Variants in TMEM131 observed in about 807,000 individuals in gnomAD.
TMEM131 encodes the protein 2610524E03Rik.
TMEM131 carries 66 observed loss-of-function variants against 211.6 expected under a neutral mutation model. That is an observed-to-expected ratio of 0.31 (90% CI 0.26 to 0.38). The LOEUF (loss-of-function observed/expected upper bound fraction) is 0.38. Among genes scored for constraint, TMEM131 ranks in the 10% least tolerant of loss-of-function variants. TMEM131 has a pLI of 1.00. For synonymous variants in TMEM131, 844 were observed against 841.3 expected (o/e 1.00, Z -0.06); for missense variants, 2,036 against 2,299.3 (o/e 0.89, Z 2.34).
chr2:97,961,806 G>C (rs1040986457), intron 1 of TMEM131, among the ~76,000 whole-genome samples: 10 of 152,306 alleles, frequency 6.6e-5, no homozygotes, highest in Admixed American at 3.9e-4. Context: ...CATAAATTGT[G>C]CTGCAACAGC....
intron 1 of TMEM131, among the ~76,000 whole-genome samples, chr2:97,965,064 G>A (rs193199136): frequency 3.9e-5 from 6 of 152,210 alleles, no homozygotes; most frequent in African/African-American, 9.6e-5. Context: ...AGAGCTCCGC[G>A]GCATGCCACA....
intron 4 of TMEM131, among the ~76,000 whole-genome samples, chr2:97,882,764 T>C (rs1674989090): frequency 6.6e-6 from 1 of 152,188 alleles, no homozygotes; most frequent in African/African-American, 2.4e-5. Context: ...TGGTTCTGCC[T>C]CTGATTGAAC....
At chr2:97,942,143 C>G (rs955710770) in intron 1 of TMEM131, among the ~76,000 whole-genome samples, 2 of 151,850 alleles carry the variant, frequency 1.3e-5, no homozygotes, top group Non-Finnish European at 2.9e-5. Flanking sequence ...TACTATGCAG[C>G]CATTAAAAAG....
In TMEM131 at chr2:97,861,814, G is replaced by A. The variant is rs534558990; in HGVS notation, c.360-2387C>T. Among the ~76,000 whole-genome samples, 10 of 152,300 alleles carry A rather than the reference G, an allele frequency of 6.6e-5. No individual in the cohort carries two copies. The East Asian group carries it at 1.5e-3, about 24-fold the overall frequency. On this transcript the variant is annotated intron_variant, in intron 4 of 40. Coordinates refer to ENST00000186436, the MANE Select transcript of TMEM131 (RefSeq NM_015348.2). ...ACCTGGGGGAACTCACTGTCCTGAA[G>A]AGAAGGACACAAACCTGGCTGGCTT... is the stretch of plus-strand genomic sequence containing the variant.
At chr2:97,976,459 A>C (rs1390588916) in intron 1 of TMEM131, among the ~76,000 whole-genome samples, 2 of 152,208 alleles carry the variant, frequency 1.3e-5, no homozygotes, top group Non-Finnish European at 2.9e-5. Context: ...CTTAGAGATA[A>C]ATATGACAAA....
At chr2:97,809,957 T>C (rs959601059) in intron 18 of TMEM131, among the ~76,000 whole-genome samples, 183 bp from the exon 19 acceptor site, 1 of 152,092 alleles carries the variant, frequency 6.6e-6, no homozygotes, top group Admixed American at 6.6e-5. Flanking sequence ...CCATAAAATG[T>C]AATGAAATAT....
rs935993027 is a variant in TMEM131 at position 97,859,342 on chromosome 2, T to C, written c.445A>G (p.Thr149Ala). The change falls in exon 5 of 41, where the codon ACA becomes GCA. Residue 149 changes from threonine to alanine, a missense_variant. This residue lies in a region of TMEM131 where 277 missense variants were observed against 378.0 expected (regional missense o/e 0.73). Transcript: ENST00000186436. ...AATGATGCATGAAAATGTGATGTTG[T>C]AGCAGATATTGATACTAAAGTAATC... ...ETITLVSISA[T>A]TSHFHASFFQ... The C allele has an allele frequency of 3.7e-6, 6 of 1,602,554 alleles. No individual in the cohort carries two copies. The African/African-American group carries it at 8.1e-5, about 22-fold the overall frequency.
In TMEM131 at chr2:97,818,471, GGC is replaced by G. The variant is rs1553601697; in HGVS notation, c.1183+140_1183+141del. 462 of 111,014 alleles carry G rather than the reference GGC, an allele frequency of 4.2e-3. 8 individuals carry two copies. The highest frequency in any genetic ancestry group is 0.017 in the African/African-American group (130 of 7,512). The allele number at this position is 111,014 out of a possible 1,614,324, so 6.9% of individuals were successfully genotyped here. On this transcript the variant is annotated intron_variant, in intron 12 of 40. Coordinates refer to ENST00000186436, the MANE Select transcript of TMEM131 (RefSeq NM_015348.2). ...TTCATGATGGTTTACAGCGGGGGGG[GGC>G]GGGGGGGGATCAACCTAAGCAGTAA...
chr2:97,993,546 C>A (rs1680351666), intron 1 of TMEM131, among the ~76,000 whole-genome samples: 1 of 152,190 alleles, frequency 6.6e-6, no homozygotes, highest in African/African-American at 2.4e-5. Context: ...TGGGTAGAGG[C>A]CTATGTTCTA....
chr2:97,809,608 C>G, intron 19 of TMEM131, 80 bp downstream of exon 19: 1 of 912,424 alleles, frequency 1.1e-6, no homozygotes, highest in Non-Finnish European at 1.7e-6. Flanking sequence ...ACTGACTTTA[C>G]TCTAAGATTC....
intron 40 of TMEM131, among the ~76,000 whole-genome samples, 197 bp from the exon 41 acceptor site, chr2:97,757,580 G>A (rs1437756517): frequency 6.6e-6 from 1 of 152,176 alleles, no homozygotes; most frequent in African/African-American, 2.4e-5. Flanking sequence ...CCATCACTCA[G>A]GCTGGAGTGC....
chr2:97,964,542 A>T (rs562335775), intron 1 of TMEM131, among the ~76,000 whole-genome samples: 1 of 152,262 alleles, frequency 6.6e-6, no homozygotes, highest in African/African-American at 2.4e-5. Context: ...TATTTTTATC[A>T]TATCAAGCTT....
intron 1 of TMEM131, among the ~76,000 whole-genome samples, chr2:97,928,263 A>G (rs903419840): frequency 6.6e-6 from 1 of 152,226 alleles, no homozygotes; most frequent in Admixed American, 6.5e-5. Context: ...AGTACATGAC[A>G]TTCTGGAAAA....
intron 31 of TMEM131, among the ~76,000 whole-genome samples, chr2:97,777,090 AAAC>A (rs1679772983): frequency 6.6e-6 from 1 of 152,180 alleles, no homozygotes; most frequent in South Asian, 2.1e-4. Context: ...ACATAGTAGC[AAAC>A]AACAAGCAAG....
In TMEM131 at chr2:97,760,785, G is replaced by T. The variant is rs754181103; in HGVS notation, c.5011+8C>A. The T allele has an allele frequency of 9.3e-6, 15 of 1,613,830 alleles. No homozygotes were observed. In the South Asian group the frequency reaches 1.3e-4, roughly 14 times the overall value. On this transcript the variant is annotated splice_region_variant and intron_variant, in intron 37 of 40. Transcript: ENST00000186436. ...GGCGTGGCAGGTCTCTGAAGCAAAG[G>T]CACTGACCTGGGCTCTTGTCGTAGC...
At chr2:97,978,383 G>C (rs1378652598) in intron 1 of TMEM131, among the ~76,000 whole-genome samples, 1 of 152,106 alleles carries the variant, frequency 6.6e-6, no homozygotes, top group Non-Finnish European at 1.5e-5. Context: ...ATTTGTTCAA[G>C]TTTTATCGTA....
At chr2:97,909,438 T>A (rs1676206881) in intron 2 of TMEM131, among the ~76,000 whole-genome samples, 1 of 151,952 alleles carries the variant, frequency 6.6e-6, no homozygotes, top group African/African-American at 2.4e-5. Flanking sequence ...GGGAAGAAGT[T>A]TGGTCTACTT....
In TMEM131 at chr2:97,785,438, T is replaced by C. The variant is rs370399287; in HGVS notation, c.4144+6948A>G. ...AAAATATATTCAATATCATTATCCA[T>C]TAGAAAATAACTGCAAATAAAAACC... is the stretch of plus-strand genomic sequence containing the variant. On this transcript the variant is annotated intron_variant, in intron 31 of 40. Coordinates refer to ENST00000186436, the MANE Select transcript of TMEM131 (RefSeq NM_015348.2). Among the ~76,000 whole-genome samples, 30 of 152,280 alleles carry C rather than the reference T, an allele frequency of 2.0e-4. 1 individual carries two copies. The East Asian group carries it at 4.0e-3, about 21-fold the overall frequency.
chr2:97,812,071 T>C (rs1213123303), intron 17 of TMEM131, among the ~76,000 whole-genome samples: 4 of 152,214 alleles, frequency 2.6e-5, no homozygotes. Flanking sequence ...TTTCTACCAA[T>C]GTTCAGGGCC....
Sources: allele counts gnomAD v4.1 joint callset (sites outside exome capture counted in the v4.1 genomes callset), GRCh38; gene constraint gnomAD v4.1.1; regional missense constraint gnomAD v4.1.1; transcripts MANE v1.5; gene names NCBI Gene and HGNC (gene_info 2026-07-23, HGNC 2026-07-21).